SDK1: variants seen among roughly 807,000 people sequenced by gnomAD.
The protein encoded by SDK1 is protein sidekick-1.
Under a neutral mutation model 245.5 loss-of-function variants are expected in SDK1, and 157 were observed. The ratio of observed to expected loss-of-function variants is 0.64; its 90% CI spans 0.56 to 0.73. SDK1 has a LOEUF of 0.73. Among genes scored for constraint, SDK1 ranks in the 30% least tolerant of loss-of-function variants. SDK1 has a pLI of 0.00. For synonymous variants in SDK1, 1,647 were observed against 1,278.5 expected (o/e 1.29, Z -6.15); for missense variants, 3,583 against 3,002.3 (o/e 1.19, Z -4.52).
chr7:3,888,577 C>T (rs1781388440), intron 5 of SDK1, among the ~76,000 whole-genome samples: 1 of 152,170 alleles, frequency 6.6e-6, no homozygotes, highest in Admixed American at 6.5e-5. Flanking sequence ...GCATTTTCTA[C>T]AGTATATCAT....
At chr7:4,000,921 G>C (rs1384350439) in intron 14 of SDK1, among the ~76,000 whole-genome samples, 4 of 152,114 alleles carry the variant, frequency 2.6e-5, no homozygotes, top group African/African-American at 9.7e-5. Context: ...TTATGAAGGG[G>C]GGACCATGGC....
chr7:3,404,176 AC>A (rs922341889), intron 1 of SDK1, among the ~76,000 whole-genome samples: 1 of 152,020 alleles, frequency 6.6e-6, no homozygotes, highest in African/African-American at 2.4e-5. Context: ...ATGGGCTGCC[AC>A]AAACCTCCAA....
chr7:3,431,819 A>G (rs1486137333), intron 1 of SDK1, among the ~76,000 whole-genome samples: 1 of 152,162 alleles, frequency 6.6e-6, no homozygotes, highest in Admixed American at 6.5e-5. Flanking sequence ...AGGTGCATTC[A>G]TATGTGAGCA....
intron 2 of SDK1, among the ~76,000 whole-genome samples, chr7:3,638,489 A>G (rs1305110036): frequency 1.3e-5 from 2 of 151,818 alleles, no homozygotes; most frequent in Admixed American, 6.6e-5. Flanking sequence ...TTGTAGGGAC[A>G]TGGATGAAGC....
intron 5 of SDK1, among the ~76,000 whole-genome samples, chr7:3,828,905 C>T (rs1268832543): frequency 6.6e-6 from 1 of 152,056 alleles, no homozygotes; most frequent in Non-Finnish European, 1.5e-5. Flanking sequence ...AATCCTCCCA[C>T]CTTGGCCTCC....
At chr7:3,855,058 C>A (rs1181864832) in intron 5 of SDK1, among the ~76,000 whole-genome samples, 1 of 152,086 alleles carries the variant, frequency 6.6e-6, no homozygotes, top group Non-Finnish European at 1.5e-5. Context: ...CCACTTGTGA[C>A]AGCTATCAGT....
At chr7:4,169,448 G>A (rs866245594) in intron 32 of SDK1, among the ~76,000 whole-genome samples, 16 of 152,290 alleles carry the variant, frequency 1.1e-4, no homozygotes, top group African/African-American at 2.9e-4. Flanking sequence ...GCCTTGCAGA[G>A]GGCCAGCCCT....
intron 38 of SDK1, among the ~76,000 whole-genome samples, chr7:4,214,334 C>T (rs1784669629): frequency 6.6e-6 from 1 of 152,322 alleles, no homozygotes; most frequent in Admixed American, 6.5e-5. Flanking sequence ...GAGTAGGGGG[C>T]CTGTCTCTCC....
At chr7:3,555,577 T>C (rs1238456770) in intron 1 of SDK1, among the ~76,000 whole-genome samples, 2 of 152,040 alleles carry the variant, frequency 1.3e-5, no homozygotes. Flanking sequence ...ACAAATGAGA[T>C]CACATGAAGT....
At chr7:3,978,942 C>T (rs1562609719) in intron 13 of SDK1, among the ~76,000 whole-genome samples, 1 of 152,150 alleles carries the variant, frequency 6.6e-6, no homozygotes, top group Non-Finnish European at 1.5e-5. Flanking sequence ...CAGCCGTTGG[C>T]CTCTTCTCAC....
chr7:4,234,639 T>G (rs1193896159), intron 41 of SDK1, among the ~76,000 whole-genome samples: 1 of 152,156 alleles, frequency 6.6e-6, no homozygotes, highest in African/African-American at 2.4e-5. Context: ...TGTGAGGGAC[T>G]CAACCCTGGC....
chr7:3,480,551 C>G (rs952555322), intron 1 of SDK1, among the ~76,000 whole-genome samples: 2 of 152,240 alleles, frequency 1.3e-5, no homozygotes, highest in Admixed American at 1.3e-4. Context: ...GGACACTTGC[C>G]TCCTTCCAGC....
intron 1 of SDK1, among the ~76,000 whole-genome samples, chr7:3,464,745 A>G (rs1483744426): frequency 6.6e-6 from 1 of 151,568 alleles, no homozygotes; most frequent in Non-Finnish European, 1.5e-5. Context: ...GTACTTTGGC[A>G]GAAATATATT....
chr7:3,462,902 T>A (rs901362264), intron 1 of SDK1, among the ~76,000 whole-genome samples: 2 of 152,208 alleles, frequency 1.3e-5, no homozygotes, highest in Admixed American at 1.3e-4. Flanking sequence ...CCCACCAGGT[T>A]ATCCTTGCTT....
At chr7:4,014,605 C>T (rs917995114) in intron 16 of SDK1, among the ~76,000 whole-genome samples, 7 of 152,158 alleles carry the variant, frequency 4.6e-5, no homozygotes, top group South Asian at 2.1e-4. Flanking sequence ...AAATCACTTC[C>T]GTGGCTCCAG....
rs73673648 is a variant in SDK1 at position 3,615,435 on chromosome 7, A to G, written c.299-3645A>G. Among the ~76,000 whole-genome samples, 1,086 of 151,722 alleles carry G rather than the reference A, an allele frequency of 7.2e-3. 24 individuals carry two copies. The highest frequency in any genetic ancestry group is 0.025 in the African/African-American group (1,050 of 41,506). The stretch of plus-strand genomic sequence containing the variant: ...GTCAGTTGCAGCAGAAGCAGGCAGA[A>G]CTCTTGGAACAGGACAAGGCTCGAC... On this transcript the variant is annotated intron_variant, in intron 1 of 44. Transcript: ENST00000404826.
chr7:3,307,345 T>G (rs1032381553), intron 1 of SDK1, among the ~76,000 whole-genome samples: 1 of 152,114 alleles, frequency 6.6e-6, no homozygotes, highest in Non-Finnish European at 1.5e-5. Flanking sequence ...TGGTAGCAAG[T>G]AGAAAGAAGC....
At chr7:3,503,092 T>C (rs760309874) in intron 1 of SDK1, among the ~76,000 whole-genome samples, 1 of 152,212 alleles carries the variant, frequency 6.6e-6, no homozygotes, top group Non-Finnish European at 1.5e-5. Flanking sequence ...ATTAAAATTG[T>C]ATGGAGACAT....
chr7:3,445,435 C>T (rs926870644), intron 1 of SDK1, among the ~76,000 whole-genome samples: 4 of 152,108 alleles, frequency 2.6e-5, no homozygotes, highest in African/African-American at 9.7e-5. Flanking sequence ...AGTTTAAGAG[C>T]AAATTATCAT....
Sources: gnomAD v4.1 joint callset for allele counts (sites outside exome capture counted in the v4.1 genomes callset) on GRCh38, gnomAD v4.1.1 for gene constraint, MANE v1.5 for transcripts, NCBI Gene and HGNC (gene_info 2026-07-23, HGNC 2026-07-21) for gene names.